STPG2: variants seen among roughly 807,000 people sequenced by gnomAD.
The protein encoded by STPG2 is sperm-tail PG-rich repeat-containing protein 2.
STPG2 carries 56 observed loss-of-function variants against 54.2 expected under a neutral mutation model. The observed-to-expected ratio is 1.03, with a 90% CI of 0.83 to 1.29. STPG2 has a LOEUF of 1.29. STPG2 is among the 50% of genes most tolerant of loss of function. The pLI is 0.00. For synonymous variants in STPG2, 200 were observed against 181.8 expected, an observed-to-expected ratio of 1.10 and a Z score of -0.81; for missense variants, 596 against 544.9, an observed-to-expected ratio of 1.09 and a Z score of -0.93.
chr4:97,781,130 T>C (rs2149071438), intron 9 of STPG2, among the ~76,000 whole-genome samples: 1 of 152,086 alleles, frequency 6.6e-6, no homozygotes, highest in East Asian at 1.9e-4. Flanking sequence ...TTCAAAAAAA[T>C]CAATGAATCC....
At chr4:97,891,365 C>T (rs1560573880) in intron 8 of STPG2, among the ~76,000 whole-genome samples, 3 of 151,920 alleles carry the variant, frequency 2.0e-5, no homozygotes, top group Admixed American at 6.6e-5. Flanking sequence ...ATTCTCACTG[C>T]TATAAAGGTT....
chr4:97,803,888 C>T lies in STPG2; in HGVS notation c.1204+36885G>A, dbSNP rs1215635527. 2.6e-5 allele frequency among the ~76,000 whole-genome samples: 4 copies of T among 152,098 alleles called. No individual in the cohort carries two copies. In the South Asian group the frequency reaches 6.2e-4, roughly 24 times the overall value. On this transcript the variant is annotated intron_variant, in intron 9 of 10. Coordinates refer to ENST00000295268, the MANE Select transcript of STPG2 (RefSeq NM_174952.3). ...ACTGACTTCTTAATCAATTCATCTC[C>T]GATGTCACGTTATTTCAATTCTGTG...
chr4:97,554,328 C>T (rs574978770), downstream of STPG2, among the ~76,000 whole-genome samples: 10 of 152,264 alleles, frequency 6.6e-5, no homozygotes, highest in Non-Finnish European at 1.2e-4. Context: ...GAGGCCCAAA[C>T]CTGACAAGAA....
At chr4:97,510,273 C>T (rs1730944536) in intron 4 of STPG2, among the ~76,000 whole-genome samples, 1 of 151,954 alleles carries the variant, frequency 6.6e-6, no homozygotes, top group African/African-American at 2.4e-5. Context: ...ATCTTTGGCC[C>T]TAAATTATAT....
At chr4:97,848,872 T>C (rs1729054621) in intron 8 of STPG2, among the ~76,000 whole-genome samples, 1 of 150,592 alleles carries the variant, frequency 6.6e-6, no homozygotes, top group African/African-American at 2.5e-5. Context: ...TCTGTTTTGG[T>C]ACCAGTACCA....
At chr4:97,909,286 G>A (rs1227067995) in intron 8 of STPG2, among the ~76,000 whole-genome samples, 1 of 151,726 alleles carries the variant, frequency 6.6e-6, no homozygotes, top group Non-Finnish European at 1.5e-5. Flanking sequence ...ATTGGCAGAA[G>A]AAAAAAATGA....
intron 8 of STPG2, among the ~76,000 whole-genome samples, chr4:97,863,543 T>A (rs1217918485): frequency 1.3e-5 from 2 of 152,206 alleles, no homozygotes; most frequent in East Asian, 1.9e-4. Flanking sequence ...GTACCATTCC[T>A]TCTGAAATTA....
At chr4:97,592,853 G>A (rs1578410837) in intron 10 of STPG2, among the ~76,000 whole-genome samples, 1 of 152,118 alleles carries the variant, frequency 6.6e-6, no homozygotes, top group African/African-American at 2.4e-5. Context: ...CACTTGAGGT[G>A]GCAGAGAGAG....
intron 4 of STPG2, among the ~76,000 whole-genome samples, chr4:97,465,428 G>C (rs1463395795): frequency 6.6e-6 from 1 of 151,986 alleles, no homozygotes; most frequent in South Asian, 2.1e-4. Flanking sequence ...AGTCTATTTG[G>C]ATATTTGAAA....
At chr4:98,019,500 G>T (rs1467589866) in intron 5 of STPG2, among the ~76,000 whole-genome samples, 1 of 151,780 alleles carries the variant, frequency 6.6e-6, no homozygotes, top group Admixed American at 6.6e-5. Flanking sequence ...GGCGATGCGG[G>T]CTCTTTTTTG....
intron 9 of STPG2, among the ~76,000 whole-genome samples, chr4:97,731,528 T>G (rs1465966917): frequency 1.3e-5 from 2 of 152,182 alleles, no homozygotes; most frequent in African/African-American, 4.8e-5. Flanking sequence ...AGGAAGCTCA[T>G]GCTTCCCCAA....
chr4:97,997,515 G>A (rs1001846134), intron 5 of STPG2, among the ~76,000 whole-genome samples: 5 of 152,090 alleles, frequency 3.3e-5, no homozygotes, highest in South Asian at 2.1e-4. Flanking sequence ...AACTATTCAC[G>A]AGAAATCCTT....
intron 5 of STPG2, among the ~76,000 whole-genome samples, chr4:98,076,024 C>A (rs887460941): frequency 2.0e-5 from 3 of 152,282 alleles, no homozygotes; most frequent in Admixed American, 6.5e-5. Context: ...GCGGGCAGAT[C>A]ACGAGGTCAG....
At chr4:97,785,175 C>T (rs1726785784) in intron 9 of STPG2, among the ~76,000 whole-genome samples, 1 of 151,680 alleles carries the variant, frequency 6.6e-6, no homozygotes, top group African/African-American at 2.4e-5. Context: ...AATATTTTTC[C>T]AGTAAGAAAT....
intron 7 of STPG2, among the ~76,000 whole-genome samples, chr4:97,949,967 A>G (rs1733404805): frequency 6.6e-6 from 1 of 152,142 alleles, no homozygotes; most frequent in Non-Finnish European, 1.5e-5. Context: ...CAGCAAGGCC[A>G]GGGAAGTTTT....
chr4:97,456,891 C>CAAAAAAAAAAAAAAAAAAAAAAAAA (rs57563048), intron 4 of STPG2, among the ~76,000 whole-genome samples: 1 of 48,918 alleles, frequency 2.0e-5, no homozygotes, highest in African/African-American at 1.1e-4. Flanking sequence ...TGCTCCGTCT[C>CAAAAAAAAAAAAAAAAAAAAAAAAA]AAAAAAAAAA....
chr4:97,861,493 G>A (rs1268680589), intron 8 of STPG2, among the ~76,000 whole-genome samples: 1 of 152,096 alleles, frequency 6.6e-6, no homozygotes, highest in Non-Finnish European at 1.5e-5. Flanking sequence ...CCACTGCTAG[G>A]TGTATACCCA....
intron 8 of STPG2, among the ~76,000 whole-genome samples, chr4:97,919,491 G>C (rs1297355674): frequency 1.3e-5 from 2 of 151,392 alleles, no homozygotes; most frequent in African/African-American, 4.8e-5. Context: ...AGGGAAAAGA[G>C]GGAACTTAAC....
chr4:97,861,611 T>A (rs1209643618), intron 8 of STPG2, among the ~76,000 whole-genome samples: 1 of 151,952 alleles, frequency 6.6e-6, no homozygotes, highest in Admixed American at 6.6e-5. Context: ...TACGCGTCCA[T>A]CAGGAGACAA....
Sources: gnomAD v4.1 joint callset for allele counts (sites outside exome capture counted in the v4.1 genomes callset) on GRCh38, gnomAD v4.1.1 for gene constraint, MANE v1.5 for transcripts, NCBI Gene and HGNC (gene_info 2026-07-23, HGNC 2026-07-21) for gene names.